Variants in TMTC2 observed in about 807,000 individuals in gnomAD.
The protein encoded by TMTC2 is transmembrane O-mannosyltransferase targeting cadherins 2, also known as protein O-mannosyl-transferase TMTC2.
TMTC2 carries 43 observed loss-of-function variants against 82.4 expected under a neutral mutation model. The observed-to-expected ratio is 0.52, with a 90% CI of 0.41 to 0.67. The LOEUF (loss-of-function observed/expected upper bound fraction) is 0.67. Ranked by LOEUF, TMTC2 falls within the 30% of genes least tolerant of loss-of-function variation. The probability of loss-of-function intolerance (pLI) is 0.00; values close to 1 mark genes in which losing one functional copy is unlikely to be tolerated. For missense variants in TMTC2, 919 were observed against 1,012.4 expected (o/e 0.91, Z 1.25); for synonymous variants, 408 against 381.9 (o/e 1.07, Z -0.80).
At chr12:83,032,935 A>G (rs560942030) in intron 9 of TMTC2, among the ~76,000 whole-genome samples, 1 of 152,278 alleles carries the variant, frequency 6.6e-6, no homozygotes, top group Admixed American at 6.5e-5. Flanking sequence ...GTAAAAACCA[A>G]TTCTTCTTAG....
Position 83,132,502 on chromosome 12 carries a change from A to C in TMTC2, c.*113A>C. On this transcript the variant is annotated 3_prime_UTR_variant, in exon 12 of 12. Coordinates refer to ENST00000321196, the MANE Select transcript of TMTC2 (RefSeq NM_152588.3). ...TGGTGTTAGACTTCAAGACCAGGGC[A>C]GAGGTCATTGAGGTCACTACCGCTT... 5 of 1,242,100 alleles carry C rather than the reference A, an allele frequency of 4.0e-6. No individual in the cohort carries two copies. The highest frequency in any genetic ancestry group is 4.5e-6 in the Non-Finnish European group (4 of 895,574). The allele number at this position is 1,242,100 out of a possible 1,614,324, so 76.9% of individuals were successfully genotyped here.
intron 4 of TMTC2, among the ~76,000 whole-genome samples, chr12:82,951,049 G>A (rs1312684802): frequency 6.6e-6 from 1 of 152,130 alleles, no homozygotes; most frequent in East Asian, 1.9e-4. Flanking sequence ...TCAAAAGAAG[G>A]ATACCAGAGA....
At chr12:82,982,173 G>A (rs142417937) in intron 7 of TMTC2, among the ~76,000 whole-genome samples, 268 of 151,786 alleles carry the variant, frequency 1.8e-3, no homozygotes, top group African/African-American at 5.8e-3. Context: ...ATTTTATATG[G>A]CAGGCAGCTT....
At chr12:82,699,398 C>T (rs928864602) in intron 1 of TMTC2, among the ~76,000 whole-genome samples, 3 of 152,094 alleles carry the variant, frequency 2.0e-5, no homozygotes, top group African/African-American at 4.8e-5. Context: ...CGGAGTAAAC[C>T]GACCAATTAC....
intron 7 of TMTC2, among the ~76,000 whole-genome samples, chr12:82,981,539 A>G (rs1026544974): frequency 2.7e-4 from 41 of 152,052 alleles, no homozygotes; most frequent in African/African-American, 9.4e-4. Context: ...TCATTCTATC[A>G]TCGCACAGCA....
Position 83,133,901 on chromosome 12 carries a change from C to T in TMTC2, c.*1512C>T, listed in dbSNP as rs12311847. On this transcript the variant is annotated 3_prime_UTR_variant, in exon 12 of 12. Coordinates refer to ENST00000321196, the MANE Select transcript of TMTC2 (RefSeq NM_152588.3). The stretch of plus-strand genomic sequence containing the variant: ...CTTTGCAACTGAAAATTACCTGTTT[C>T]TCCTTCCCTTTCACACTCCATGTAT... 6.6e-6 allele frequency: 1 copy of T among 152,192 alleles called. No individual in the cohort carries two copies. The highest frequency in any genetic ancestry group is 1.5e-5 in the Non-Finnish European group (1 of 68,028). 9.4% of individuals were successfully genotyped at this position (152,192 alleles called of 1,614,324 possible).
chr12:82,726,868 G>C (rs1874477537), intron 1 of TMTC2, among the ~76,000 whole-genome samples: 2 of 125,504 alleles, frequency 1.6e-5, no homozygotes, highest in Non-Finnish European at 3.2e-5. Context: ...GAGAGTGCAA[G>C]ACTCTGTCTC....
chr12:82,965,727 G>C lies in TMTC2; in HGVS notation c.1852G>C (p.Glu618Gln), dbSNP rs952322024. Reference sequence around the variant, plus strand: ...GTACAACCTAGGAAAGCTGTATCATGAGCAGGGACACTATGAGGTCTGGCC... The same window carrying C: ...GTACAACCTAGGAAAGCTGTATCATCAGCAGGGACACTATGAGGTCTGGCC... ...CLYNLGKLYHEQGHYEEALSV... is the reference protein window; with the variant it reads ...CLYNLGKLYHQQGHYEEALSV... The change falls in exon 6 of 12, where the codon GAG becomes CAG. Residue 618 changes from glutamate (E) to glutamine (Q), a missense_variant. By Grantham distance (29) the Glu-to-Gln change is conservative. Coordinates refer to ENST00000321196, the MANE Select transcript of TMTC2 (RefSeq NM_152588.3). The C allele has an allele frequency of 2.5e-6, 4 of 1,613,694 alleles. No individual in the cohort carries two copies. The highest frequency in any genetic ancestry group is 2.5e-6 in the Non-Finnish European group (3 of 1,179,846).
At chr12:83,062,688 A>G (rs561056561) in intron 11 of TMTC2, among the ~76,000 whole-genome samples, 2 of 151,960 alleles carry the variant, frequency 1.3e-5, no homozygotes, top group South Asian at 2.1e-4. Flanking sequence ...GGTAGAATAC[A>G]GAGATTTTGT....
chr12:82,700,551 T>C (rs548831130), intron 1 of TMTC2, among the ~76,000 whole-genome samples: 1 of 152,280 alleles, frequency 6.6e-6, no homozygotes, highest in East Asian at 1.9e-4. Context: ...TTATCCTGAA[T>C]TTTAAGTTTG....
chr12:83,061,605 G>C (rs1431817434), intron 10 of TMTC2, among the ~76,000 whole-genome samples, 163 bp from the exon 11 acceptor site: 1 of 151,674 alleles, frequency 6.6e-6, no homozygotes, highest in Non-Finnish European at 1.5e-5. Context: ...ACATTAACAA[G>C]TGCAATGCAA....
chr12:82,811,180 G>T (rs747945137), intron 1 of TMTC2, among the ~76,000 whole-genome samples: 2 of 152,010 alleles, frequency 1.3e-5, no homozygotes, highest in Admixed American at 1.3e-4. Context: ...GAGCCGAGAT[G>T]GAGCCACTGC....
intron 7 of TMTC2, among the ~76,000 whole-genome samples, chr12:82,985,664 C>G (rs1879123473): frequency 6.6e-6 from 1 of 152,120 alleles, no homozygotes; most frequent in Non-Finnish European, 1.5e-5. Context: ...ATCAGATGTT[C>G]TATGTTAAAA....
intron 4 of TMTC2, among the ~76,000 whole-genome samples, chr12:82,933,454 A>T (rs968720727): frequency 6.6e-6 from 1 of 152,176 alleles, no homozygotes; most frequent in African/African-American, 2.4e-5. Context: ...TAGTTTTGAG[A>T]TGTACCTAAT....
chr12:82,860,538 C>A (rs916425388), intron 2 of TMTC2, among the ~76,000 whole-genome samples: 4 of 152,216 alleles, frequency 2.6e-5, no homozygotes, highest in African/African-American at 9.6e-5. Context: ...ATTCCATGAT[C>A]TGTTTCTTCA....
chr12:82,721,442 A>G (rs1440548049), intron 1 of TMTC2, among the ~76,000 whole-genome samples: 3 of 152,186 alleles, frequency 2.0e-5, no homozygotes, highest in South Asian at 4.1e-4. Flanking sequence ...GAATTAAATT[A>G]TGGTTTAGCC....
At position 82,782,919 on chromosome 12, in the gene TMTC2, A is replaced by G. The variant is rs17780848; in HGVS notation, c.84-74091A>G. ...ATGTTCCTTTTTGCACAGAGACAAG[A>G]TATGGAGTTTATAGAGGGAAATGCC... On this transcript the variant is annotated intron_variant, in intron 1 of 11. Transcript: ENST00000321196. 3.6e-3 allele frequency among the ~76,000 whole-genome samples: 546 copies of G among 152,262 alleles called. 12 individuals carry two copies. Among genetic ancestry groups the G allele is most frequent in the Admixed American group, 0.029 (451 of 15,290 alleles).
chr12:82,806,375 G>A (rs1036577085), intron 1 of TMTC2, among the ~76,000 whole-genome samples: 1 of 152,070 alleles, frequency 6.6e-6, no homozygotes, highest in African/African-American at 2.4e-5. Flanking sequence ...CCTCCAACTT[G>A]CCTGCAAGGA....
chr12:82,936,494 A>G (rs553296562), intron 4 of TMTC2, among the ~76,000 whole-genome samples: 35 of 152,260 alleles, frequency 2.3e-4, no homozygotes, highest in African/African-American at 8.4e-4. Context: ...TACATGTCTT[A>G]AAATTAATAT....
Sources: gnomAD v4.1 joint callset for allele counts (sites outside exome capture counted in the v4.1 genomes callset) on GRCh38, gnomAD v4.1.1 for gene constraint, MANE v1.5 for transcripts, NCBI Gene and HGNC (gene_info 2026-07-23, HGNC 2026-07-21) for gene names.